Variants in CD226 observed in about 807,000 individuals in gnomAD.
CD226 encodes the protein CD226 molecule, also known as CD226 antigen.
Under a neutral mutation model 34.9 loss-of-function variants are expected in CD226, and 24 were observed. That is an observed-to-expected ratio of 0.69 (90% CI 0.50 to 0.97). The LOEUF is 0.97. Among genes scored for constraint, CD226 ranks in the 50% least tolerant of loss-of-function variants. The probability of loss-of-function intolerance (pLI) is 0.00; values close to 1 mark genes in which losing one functional copy is unlikely to be tolerated. For synonymous variants in CD226, 148 were observed against 147.4 expected (o/e 1.00, Z -0.03); for missense variants, 397 against 412.7 (o/e 0.96, Z 0.33).
intron 2 of CD226, among the ~76,000 whole-genome samples, chr18:69,908,896 C>T (rs2055289059): frequency 6.6e-6 from 1 of 152,174 alleles, no homozygotes. Context: ...TCATATAATC[C>T]TTCCACTTCA....
At chr18:69,917,247 C>T (rs2055397181) in intron 2 of CD226, among the ~76,000 whole-genome samples, 1 of 152,190 alleles carries the variant, frequency 6.6e-6, no homozygotes, top group Non-Finnish European at 1.5e-5. Context: ...TATTCTAAGG[C>T]CTAATAGAAG....
chr18:69,856,430 T>C lies in CD226; in HGVS notation c.*7884A>G, dbSNP rs1011693734. The stretch of plus-strand genomic sequence containing the variant: ...GAGGGAAAATCAGAAAGGATATAGA[T>C]AATCTGAACGGTGGTATCAATCAGT... On this transcript the variant is annotated 3_prime_UTR_variant, in exon 6 of 6. Coordinates refer to ENST00000582621, the MANE Select transcript of CD226 (RefSeq NM_001303618.2). 6.6e-6 allele frequency: 1 copy of C among 152,174 alleles called. No individual in the cohort carries two copies. Among genetic ancestry groups the C allele is most frequent in the African/African-American group, 2.4e-5 (1 of 41,448 alleles). 9.4% of individuals were successfully genotyped at this position (152,174 alleles called of 1,614,324 possible).
rs2055799690 is a variant in CD226 at position 69,946,874 on chromosome 18, A to C, written c.242T>G (p.Phe81Cys). Residue 81 changes from phenylalanine (F) to cysteine (C), a missense_variant, in exon 2 of 6, where the codon TTT becomes TGT. Physicochemically the swap from Phe to Cys is radical, Grantham distance 205 (BLOSUM62 -2). Transcript: ENST00000582621. ...IRKPYAERVY[F>C]LNSTMASNNM... Reference sequence around the variant, plus strand: ...ATTGGAAGCCATCGTTGAATTCAAAAAGTAAACCCTCTCAGCATAGGGCTT... The same window carrying C: ...ATTGGAAGCCATCGTTGAATTCAAACAGTAAACCCTCTCAGCATAGGGCTT... 1 of 1,614,190 alleles carries C rather than the reference A, an allele frequency of 6.2e-7. No homozygotes were observed. Among genetic ancestry groups the C allele is most frequent in the Non-Finnish European group, 8.5e-7 (1 of 1,180,020 alleles).
At chr18:69,919,876 C>CTTTTTT (rs113345493) in intron 2 of CD226, among the ~76,000 whole-genome samples, 4 of 140,616 alleles carry the variant, frequency 2.8e-5, no homozygotes, top group African/African-American at 1.0e-4. Context: ...TGTTGTCACT[C>CTTTTTT]TTTTTTTTTT....
chr18:69,864,931 A>G (rs1052728597), intron 5 of CD226, among the ~76,000 whole-genome samples: 1 of 152,226 alleles, frequency 6.6e-6, no homozygotes, highest in Non-Finnish European at 1.5e-5. Flanking sequence ...AGACAAATTA[A>G]GAGACAAAAG....
chr18:69,939,789 A>G (rs918276560), intron 2 of CD226, among the ~76,000 whole-genome samples: 1 of 152,182 alleles, frequency 6.6e-6, no homozygotes, highest in Non-Finnish European at 1.5e-5. Context: ...AATGTAGGTG[A>G]GCCTAATTCA....
At chr18:69,873,033 T>A in intron 4 of CD226, 111 bp downstream of exon 4, 1 of 725,852 alleles carries the variant, frequency 1.4e-6, no homozygotes, top group South Asian at 1.5e-5. Flanking sequence ...GTTAGAACAG[T>A]ACTCACAAAA....
At chr18:69,883,564 A>G (rs115890484) in intron 3 of CD226, among the ~76,000 whole-genome samples, 233 of 152,322 alleles carry the variant, frequency 1.5e-3, no homozygotes, top group African/African-American at 5.3e-3. Context: ...AGGCAAAGAA[A>G]CATGCTATCC....
In CD226 at chr18:69,862,859, G is replaced by C. The variant is rs1982896878; in HGVS notation, c.*1455C>G. 2.0e-5 allele frequency: 3 copies of C among 152,130 alleles called. No individual in the cohort carries two copies. The highest frequency in any genetic ancestry group is 2.0e-4 in the Admixed American group (3 of 15,268). The allele number at this position is 152,130 out of a possible 1,614,324, so 9.4% of individuals were successfully genotyped here. A position where few individuals can be genotyped will look rare whatever the true frequency, so the allele number is the denominator to read the frequency against. On this transcript the variant is annotated 3_prime_UTR_variant, in exon 6 of 6. Transcript: ENST00000582621. ...GATATTTAAATACAGCCTTCATAAT[G>C]AATCTTTTCTAGATGGTGGTCTTTA...
intron 3 of CD226, among the ~76,000 whole-genome samples, chr18:69,876,426 A>G (rs1359855501): frequency 1.3e-5 from 2 of 152,232 alleles, no homozygotes; most frequent in Non-Finnish European, 2.9e-5. Flanking sequence ...ATTGTTTCAT[A>G]GGAAATATGT....
chr18:69,958,722 T>C (rs2145393043), upstream of CD226, among the ~76,000 whole-genome samples: 1 of 151,770 alleles, frequency 6.6e-6, no homozygotes, highest in East Asian at 1.9e-4. Context: ...TGCAGATTGA[T>C]ACAGGCTGGG....
In CD226 at chr18:69,864,406, T is replaced by C. The variant is rs763361; in HGVS notation, c.919A>G (p.Ser307Gly). ...TCCATGGATTGATTGGTAGGTTGAC[T>C]GGTAGAGATGGGACTTCTATAGTTA... ...PNNYRSPISTSQPTNQSMDDT... is the reference protein window; with the variant it reads ...PNNYRSPISTGQPTNQSMDDT... Residue 307 changes from serine (S) to glycine (G), a missense_variant, in exon 6 of 6, where the codon AGT becomes GGT. By Grantham distance (56) the Ser-to-Gly change is moderately conservative. Transcript: ENST00000582621. 0.52 allele frequency: 831,773 copies of C among 1,611,980 alleles called. 217,445 individuals are homozygous for C. The highest frequency in any genetic ancestry group is 0.61 in the East Asian group (27,163 of 44,766).
chr18:69,898,942 G>GA (rs768541876), intron 2 of CD226, among the ~76,000 whole-genome samples: 1 of 152,050 alleles, frequency 6.6e-6, no homozygotes. Context: ...TAATTGGGAA[G>GA]AAAAAAATTT....
intron 3 of CD226, among the ~76,000 whole-genome samples, chr18:69,878,544 T>A (rs575934217): frequency 6.6e-6 from 1 of 150,984 alleles, no homozygotes; most frequent in East Asian, 2.0e-4. Flanking sequence ...GGGGGTGGAG[T>A]TAGGGAGTGA....
At chr18:69,912,609 G>A (rs1387678061) in intron 2 of CD226, among the ~76,000 whole-genome samples, 7 of 152,132 alleles carry the variant, frequency 4.6e-5, no homozygotes, top group Non-Finnish European at 8.8e-5. Flanking sequence ...TTTGCTCAGG[G>A]ATTTGGCTAT....
Position 69,898,396 on chromosome 18 carries a change from C to A in CD226, c.383-2351G>T, listed in dbSNP as rs78646518. Reference sequence around the variant, plus strand: ...GTCTGCCTATCTAACCAAAACCATGCTGTCAGGCCCCCGTGAACCTGCCGA... The same window carrying A: ...GTCTGCCTATCTAACCAAAACCATGATGTCAGGCCCCCGTGAACCTGCCGA... On this transcript the variant is annotated intron_variant, in intron 2 of 5. Transcript: ENST00000582621. Among the ~76,000 whole-genome samples the A allele has an allele frequency of 1.1e-4, 17 of 152,286 alleles. No homozygotes were observed. In the Middle Eastern group the frequency reaches 0.01, roughly 91 times the overall value.
rs1014492827 is a variant in CD226, at chr18:69,853,579, C to G, written c.*10735G>C. ...TTGAACACATATGATGAGTGAAACA[C>G]CACCATGTGACTCATATTTCATTTT... On this transcript the variant is annotated 3_prime_UTR_variant, in exon 6 of 6. Coordinates refer to ENST00000582621, the MANE Select transcript of CD226 (RefSeq NM_001303618.2). The G allele has an allele frequency of 2.0e-5, 3 of 152,158 alleles. No individual in the cohort carries two copies. Among genetic ancestry groups the G allele is most frequent in the Non-Finnish European group, 4.4e-5 (3 of 68,038 alleles). 9.4% of individuals were successfully genotyped at this position (152,158 alleles called of 1,614,324 possible). A position where few individuals can be genotyped will look rare whatever the true frequency, so the allele number is the denominator to read the frequency against.
chr18:69,896,240 G>C, intron 2 of CD226, 195 bp from the exon 3 acceptor site: 1 of 773,680 alleles, frequency 1.3e-6, no homozygotes, highest in Non-Finnish European at 1.6e-6. Context: ...AGAGTGCAGT[G>C]GTGTGATCTC....
At chr18:69,875,526 T>C (rs759706442) in intron 3 of CD226, among the ~76,000 whole-genome samples, 37 of 152,234 alleles carry the variant, frequency 2.4e-4, no homozygotes, top group Non-Finnish European at 3.8e-4. Context: ...AGGGTTGCCT[T>C]TTCTCCACAT....
Sources: gnomAD v4.1 joint callset for allele counts (sites outside exome capture counted in the v4.1 genomes callset) on GRCh38, gnomAD v4.1.1 for gene constraint, MANE v1.5 for transcripts, NCBI Gene and HGNC (gene_info 2026-07-23, HGNC 2026-07-21) for gene names.